Variants in TCF12 observed in about 807,000 individuals in gnomAD.
TCF12 encodes the protein transcription factor 12.
In TCF12, 45 loss-of-function variants were observed where a neutral mutation model predicts 86.0. The ratio of observed to expected loss-of-function variants is 0.52; its 90% CI spans 0.41 to 0.67. The LOEUF is 0.67. TCF12 is among the 30% of genes least tolerant of loss of function. The pLI is 0.00. For missense variants in TCF12, 881 were observed against 859.9 expected (o/e 1.02, Z -0.31); for synonymous variants, 330 against 299.6 (o/e 1.10, Z -1.05).
At chr15:57,122,352 A>C (rs1448953717) in intron 5 of TCF12, among the ~76,000 whole-genome samples, 1 of 152,228 alleles carries the variant, frequency 6.6e-6, no homozygotes, top group Non-Finnish European at 1.5e-5. Flanking sequence ...CCAAAAAACA[A>C]AACAGAAAGA....
At chr15:57,218,487 G>T (rs2058428401) in intron 8 of TCF12, among the ~76,000 whole-genome samples, 1 of 152,182 alleles carries the variant, frequency 6.6e-6, no homozygotes, top group African/African-American at 2.4e-5. Flanking sequence ...AGAAATGTCT[G>T]TAAGACATTT....
intron 3 of TCF12, among the ~76,000 whole-genome samples, chr15:57,022,966 G>A (rs2065588702): frequency 1.3e-5 from 2 of 152,164 alleles, no homozygotes; most frequent in African/African-American, 4.8e-5. Context: ...ACAGGTGGGA[G>A]TTGAATAATG....
At chr15:57,122,796 A>C (rs1184569216) in intron 5 of TCF12, among the ~76,000 whole-genome samples, 2 of 152,226 alleles carry the variant, frequency 1.3e-5, no homozygotes, top group Non-Finnish European at 2.9e-5. Context: ...GATCTCTTAC[A>C]AACTGGTCAT....
intron 3 of TCF12, among the ~76,000 whole-genome samples, chr15:57,051,013 T>G (rs17415738): frequency 0.041 from 6,301 of 152,306 alleles, 365 homozygotes; most frequent in African/African-American, 0.13. Context: ...AATGGTCACA[T>G]TTTTATTTCA....
Position 57,192,270 on chromosome 15 carries a change from C to A in TCF12, c.503C>A (p.Pro168Gln). 1.2e-6 allele frequency: 2 copies of A among 1,614,090 alleles called. No homozygotes were observed. The highest frequency in any genetic ancestry group is 1.7e-6 in the Non-Finnish European group (2 of 1,179,988). ...TCTGCTACAAGTTCCAGGAGGAGAC[C>A]ACTCCATGACTCTGCAGCGCTTGGT... ...SFSATSSRRRPLHDSAALDPL... is the reference protein window; with the variant it reads ...SFSATSSRRRQLHDSAALDPL... The change falls in exon 7 of 21, where the codon CCA (proline) becomes CAA (glutamine). Residue 168 changes from proline (P) to glutamine (Q), a missense_variant. This residue lies in a region of TCF12 where 766 missense variants were observed against 718.9 expected (regional missense o/e 1.07). Transcript: ENST00000333725.
chr15:57,269,367 T>C lies in TCF12; in HGVS notation c.1746-3663T>C, dbSNP rs2061019970. On this transcript the variant is annotated intron_variant, in intron 18 of 20. Transcript: ENST00000333725. ...GCAACCGCACAACCCCTGCTTTTTT[T>C]TTTTTTTTTTTTTTTTTTTTTTTTG... is the stretch of plus-strand genomic sequence containing the variant. Among the ~76,000 whole-genome samples, 3 of 64,886 alleles carry C rather than the reference T, an allele frequency of 4.6e-5. No individual in the cohort carries two copies. The South Asian group carries it at 1.6e-3, about 35-fold the overall frequency. The allele number at this position is 64,886 out of a possible 152,430, so 42.6% of individuals were successfully genotyped here.
intron 5 of TCF12, among the ~76,000 whole-genome samples, chr15:57,099,221 C>T (rs893255635): frequency 9.9e-5 from 15 of 152,266 alleles, no homozygotes; most frequent in African/African-American, 3.6e-4. Flanking sequence ...TAGCCATTCT[C>T]TGAAGCTGTT....
intron 19 of TCF12, among the ~76,000 whole-genome samples, chr15:57,277,572 T>A (rs1210250195): frequency 1.4e-5 from 2 of 140,378 alleles, no homozygotes; most frequent in Non-Finnish European, 3.0e-5. Context: ...GAGGTTGCAA[T>A]GAGCCGAGAT....
chr15:57,170,643 A>G (rs1431264082), intron 6 of TCF12, among the ~76,000 whole-genome samples: 2 of 20,746 alleles, frequency 9.6e-5, no homozygotes, highest in Admixed American at 6.8e-4. Flanking sequence ...TATATATATA[A>G]TATATATATT....
chr15:57,142,851 A>T (rs535762211), intron 5 of TCF12, among the ~76,000 whole-genome samples: 21 of 152,186 alleles, frequency 1.4e-4, no homozygotes, highest in Non-Finnish European at 2.1e-4. Flanking sequence ...AATCTTAAGG[A>T]AATACCATGC....
chr15:57,266,465 A>G (rs2060876272), intron 18 of TCF12, among the ~76,000 whole-genome samples: 1 of 152,236 alleles, frequency 6.6e-6, no homozygotes, highest in African/African-American at 2.4e-5. Flanking sequence ...GCATTGCCAG[A>G]CTAGAATAGT....
At chr15:56,989,142 T>C (rs1161804686) in intron 3 of TCF12, among the ~76,000 whole-genome samples, 2 of 152,202 alleles carry the variant, frequency 1.3e-5, no homozygotes, top group Non-Finnish European at 2.9e-5. Context: ...TGCATATTTA[T>C]ACCAACATTT....
chr15:57,146,268 A>T (rs570200277), intron 5 of TCF12, among the ~76,000 whole-genome samples: 1 of 152,312 alleles, frequency 6.6e-6, no homozygotes, highest in East Asian at 1.9e-4. Context: ...AGGAAAATGT[A>T]ACTGATAGTA....
intron 5 of TCF12, among the ~76,000 whole-genome samples, chr15:57,124,535 T>G (rs1327793127): frequency 6.6e-6 from 1 of 152,134 alleles, no homozygotes; most frequent in Non-Finnish European, 1.5e-5. Context: ...GTATTGCAGG[T>G]AACAGCTACA....
At chr15:57,175,573 C>G (rs2055851855) in intron 6 of TCF12, among the ~76,000 whole-genome samples, 1 of 152,162 alleles carries the variant, frequency 6.6e-6, no homozygotes, top group African/African-American at 2.4e-5. Flanking sequence ...AACTAGTTGT[C>G]TTAAACAGCA....
intron 6 of TCF12, 91 bp downstream of exon 6, chr15:57,166,557 T>TGTAGAA: frequency 8.8e-7 from 1 of 1,135,204 alleles, no homozygotes; most frequent in East Asian, 2.5e-5. Flanking sequence ...TTATCCAATT[T>TGTAGAA]ATTTCACTAC....
At chr15:56,955,561 TAAATAA>T (rs1215382496) in intron 3 of TCF12, among the ~76,000 whole-genome samples, 1 of 152,114 alleles carries the variant, frequency 6.6e-6, no homozygotes, top group Admixed American at 6.5e-5. Flanking sequence ...TAAAAATAAA[TAAATAA>T]AAATAAAAAA....
chr15:56,961,001 G>A (rs2061724412), intron 3 of TCF12, among the ~76,000 whole-genome samples: 1 of 151,670 alleles, frequency 6.6e-6, no homozygotes, highest in Admixed American at 6.6e-5. Flanking sequence ...TTAGCTGGGT[G>A]TGGTGGCGGG....
chr15:56,928,441 C>T (rs1305148819), intron 3 of TCF12, among the ~76,000 whole-genome samples: 1 of 152,008 alleles, frequency 6.6e-6, no homozygotes, highest in Non-Finnish European at 1.5e-5. Flanking sequence ...TGGGCATTAT[C>T]TCATTTTACT....
Sources: gnomAD v4.1 joint callset for allele counts (sites outside exome capture counted in the v4.1 genomes callset) on GRCh38, gnomAD v4.1.1 for gene constraint, gnomAD v4.1.1 regional missense constraint, MANE v1.5 for transcripts, NCBI Gene and HGNC (gene_info 2026-07-23, HGNC 2026-07-21) for gene names.